TEAD4: variants seen among roughly 807,000 people sequenced by gnomAD.
TEAD4 encodes the protein TEA domain transcription factor 4.
In TEAD4, 36 loss-of-function variants were observed where a neutral mutation model predicts 52.4. That is an observed-to-expected ratio of 0.69 (90% CI 0.53 to 0.91). The LOEUF (loss-of-function observed/expected upper bound fraction) is 0.91, where lower values mean the gene tolerates loss of function less well. Among genes scored for constraint, TEAD4 ranks in the 40% least tolerant of loss-of-function variants. The pLI is 0.00. For missense variants in TEAD4, 508 were observed against 583.9 expected (o/e 0.87, Z 1.34); for synonymous variants, 220 against 231.0 (o/e 0.95, Z 0.43).
intron 2 of TEAD4, among the ~76,000 whole-genome samples, chr12:2,972,321 A>G (rs1242828135): frequency 1.3e-5 from 2 of 151,970 alleles, no homozygotes; most frequent in Admixed American, 6.6e-5. Context: ...GGCTCAAGCC[A>G]TCCTCCCGTC....
At chr12:2,992,593 G>T (rs1029780041) in intron 2 of TEAD4, among the ~76,000 whole-genome samples, 3 of 152,166 alleles carry the variant, frequency 2.0e-5, no homozygotes, top group African/African-American at 7.2e-5. Flanking sequence ...GAGGATCCGA[G>T]GTGGAAGTGG....
intron 3 of TEAD4, among the ~76,000 whole-genome samples, chr12:2,996,267 G>A (rs559098927): frequency 1.1e-3 from 164 of 152,080 alleles, no homozygotes; most frequent in African/African-American, 3.7e-3. Context: ...CACACCCAAC[G>A]CTGGTGCCAC....
chr12:3,008,729 G>T (rs1395228321), intron 3 of TEAD4, among the ~76,000 whole-genome samples: 1 of 152,184 alleles, frequency 6.6e-6, no homozygotes, highest in East Asian at 1.9e-4. Flanking sequence ...TACTGGAGAT[G>T]CAGACTTGAA....
intron 8 of TEAD4, 91 bp downstream of exon 8, chr12:3,019,261 C>A: frequency 7.0e-7 from 1 of 1,433,416 alleles, no homozygotes; most frequent in Non-Finnish European, 9.7e-7. Flanking sequence ...GCCTGCGTGT[C>A]CCTGTTAGAT....
chr12:3,027,436 A>G (rs903285112), intron 10 of TEAD4, among the ~76,000 whole-genome samples: 5 of 152,154 alleles, frequency 3.3e-5, no homozygotes, highest in Non-Finnish European at 7.3e-5. Flanking sequence ...CAGTTCACCT[A>G]CTTAAAACAT....
intron 2 of TEAD4, among the ~76,000 whole-genome samples, chr12:2,975,458 G>A (rs889630846): frequency 2.0e-5 from 3 of 151,286 alleles, no homozygotes. Context: ...GTGTGATCTC[G>A]GCTCATGGCA....
intron 2 of TEAD4, among the ~76,000 whole-genome samples, chr12:2,990,671 G>A (rs2098242318): frequency 6.6e-6 from 1 of 151,836 alleles, no homozygotes; most frequent in South Asian, 2.1e-4. Context: ...TTGCCATGTT[G>A]GCCAGACTGG....
chr12:2,976,806 T>G (rs1455772582), intron 2 of TEAD4, among the ~76,000 whole-genome samples: 1 of 151,992 alleles, frequency 6.6e-6, no homozygotes, highest in African/African-American at 2.4e-5. Context: ...GGGGGCTGGG[T>G]GGGAAGAGAC....
In TEAD4 at chr12:3,040,532, G is replaced by A. The variant is rs1306046831; in HGVS notation, c.*54G>A. The A allele has an allele frequency of 1.4e-5, 21 of 1,518,300 alleles. No homozygotes were observed. Among genetic ancestry groups the A allele is most frequent in the East Asian group, 9.1e-5 (4 of 44,068 alleles). 94.1% of individuals were successfully genotyped at this position (1,518,300 alleles called of 1,614,324 possible). On this transcript the variant is annotated 3_prime_UTR_variant, in exon 13 of 13. Transcript: ENST00000359864. ...AGACGTGTGTGCAGGAAACGGGGAC[G>A]TGGGGAGGGGACCTGCAGGGGCAGC... is the stretch of plus-strand genomic sequence containing the variant.
Position 2,994,723 on chromosome 12 carries a change from T to C in TEAD4, c.-29-15T>C, listed in dbSNP as rs145759691. 1.0e-3 allele frequency: 1,602 copies of C among 1,551,794 alleles called. 17 individuals carry two copies. The African/African-American group carries it at 0.019, about 19-fold the overall frequency. ...CTTCCACTGCTCACCGGGGCTGTGG[T>C]TCCTGTCCCCACAGGTCCAACGAGC... On this transcript the variant is annotated splice_polypyrimidine_tract_variant and intron_variant, in intron 2 of 12. Coordinates refer to ENST00000359864, the MANE Select transcript of TEAD4 (RefSeq NM_003213.4). This position sits in a 1 kb window ranked among gnomAD's most constrained non-coding sequence, Gnocchi z 4.7.
intron 2 of TEAD4, among the ~76,000 whole-genome samples, chr12:2,976,367 C>G (rs1186679510): frequency 7.0e-6 from 1 of 143,498 alleles, no homozygotes; most frequent in Admixed American, 7.0e-5. Context: ...CCCTCCCAAC[C>G]TTTTGTTTTT....
chr12:2,982,040 G>A (rs570598169), intron 2 of TEAD4, among the ~76,000 whole-genome samples: 1 of 152,130 alleles, frequency 6.6e-6, no homozygotes, highest in Non-Finnish European at 1.5e-5. Context: ...CTCTGGGAGC[G>A]TGAGATGGAT....
At chr12:3,028,375 CA>C (rs2098273341) in intron 10 of TEAD4, among the ~76,000 whole-genome samples, 1 of 152,182 alleles carries the variant, frequency 6.6e-6, no homozygotes, top group Non-Finnish European at 1.5e-5. Context: ...GAGGCACTCC[CA>C]AGAGTCTTCC....
intron 3 of TEAD4, among the ~76,000 whole-genome samples, chr12:2,997,836 C>G (rs1208527198): frequency 6.6e-6 from 1 of 150,610 alleles, no homozygotes; most frequent in Non-Finnish European, 1.5e-5. Context: ...TTAAAAAATA[C>G]GTAACATTTT....
chr12:3,003,299 T>A (rs1335462415), intron 3 of TEAD4, among the ~76,000 whole-genome samples: 1 of 152,228 alleles, frequency 6.6e-6, no homozygotes, highest in Non-Finnish European at 1.5e-5. Flanking sequence ...GTTAACAATA[T>A]TAACAGTAAT....
chr12:3,011,409 T>G (rs1389275744), intron 4 of TEAD4, among the ~76,000 whole-genome samples: 1 of 152,038 alleles, frequency 6.6e-6, no homozygotes, highest in African/African-American at 2.4e-5. Context: ...TTTTTGTATT[T>G]TTAGTAGAGA....
At chr12:2,987,962 G>T (rs1268592129) in intron 2 of TEAD4, among the ~76,000 whole-genome samples, 1 of 151,748 alleles carries the variant, frequency 6.6e-6, no homozygotes, top group Non-Finnish European at 1.5e-5. Context: ...CAGCTACTTG[G>T]GAGGCTGAGG....
rs1591599897 is a variant in TEAD4 at position 3,032,958 on chromosome 12, G to A, written c.898-5010G>A. ...GGAAGCTCCTGTCTTCTGCTCCCTG[G>A]CCTGGTCCCGCCTTCCCCCTCCATC... On this transcript the variant is annotated intron_variant, in intron 10 of 12. Transcript: ENST00000359864. Among the ~76,000 whole-genome samples the A allele has an allele frequency of 2.6e-5, 4 of 152,322 alleles. No homozygotes were observed. In the South Asian group the frequency reaches 8.3e-4, roughly 32 times the overall value.
intron 3 of TEAD4, among the ~76,000 whole-genome samples, chr12:3,002,217 G>A (rs1033912104): frequency 1.3e-5 from 2 of 152,154 alleles, no homozygotes; most frequent in African/African-American, 4.8e-5. Flanking sequence ...TTTAAGGCTG[G>A]GTAATATTCC....
Sources: allele counts gnomAD v4.1 joint callset (sites outside exome capture counted in the v4.1 genomes callset), GRCh38; gene constraint gnomAD v4.1.1; non-coding constraint Gnocchi (gnomAD v3.1); transcripts MANE v1.5; gene names NCBI Gene and HGNC (gene_info 2026-07-23, HGNC 2026-07-21).